The following CNNM1 variants were observed in gnomAD, a reference collection of about 807,000 sequenced individuals.
CNNM1 encodes cyclin and CBS domain divalent metal cation transport mediator 1.
CNNM1 carries 44 observed loss-of-function variants against 78.8 expected under a neutral mutation model. The ratio of observed to expected loss-of-function variants is 0.56; its 90% CI spans 0.44 to 0.72. CNNM1 has a LOEUF of 0.72. Among genes scored for constraint, CNNM1 ranks in the 30% least tolerant of loss-of-function variants. CNNM1 has a pLI of 0.00. For missense variants in CNNM1, 1,101 were observed against 1,292.2 expected (o/e 0.85, Z 2.27); for synonymous variants, 584 against 581.5 (o/e 1.00, Z -0.06).
intron 1 of CNNM1, among the ~76,000 whole-genome samples, chr10:99,345,462 A>G (rs867254694): frequency 2.0e-4 from 30 of 152,220 alleles, no homozygotes; most frequent in Middle Eastern, 3.4e-3. Context: ...GCTTGACCAC[A>G]CTCCCTGGCT....
In CNNM1 at chr10:99,362,404, G is replaced by A. The variant is rs1167994660; in HGVS notation, c.2028+8G>A. 1.2e-6 allele frequency: 2 copies of A among 1,605,746 alleles called. No homozygotes were observed. The highest frequency in any genetic ancestry group is 2.3e-5 in the East Asian group (1 of 44,076). On this transcript the variant is annotated splice_region_variant and intron_variant, in intron 4 of 10. Coordinates refer to ENST00000356713, the MANE Select transcript of CNNM1 (RefSeq NM_020348.3). ...TTTGTGCTGCTTCTACAGGTGAGTA[G>A]GAAAGTCAGGGAACCTCTGAGAGCC... is the stretch of plus-strand genomic sequence containing the variant.
At chr10:99,370,651 A>G (rs2031768261) in intron 6 of CNNM1, among the ~76,000 whole-genome samples, 1 of 152,204 alleles carries the variant, frequency 6.6e-6, no homozygotes, top group African/African-American at 2.4e-5. Flanking sequence ...GCTCTTATTC[A>G]GTGCTCGATC....
intron 9 of CNNM1, 55 bp from the exon 10 acceptor site, chr10:99,390,251 T>C (rs2071108681): frequency 7.8e-6 from 10 of 1,274,134 alleles, no homozygotes; most frequent in African/African-American, 1.5e-5. Flanking sequence ...CACCCTCTCT[T>C]GATGCCTGAG....
intron 6 of CNNM1, among the ~76,000 whole-genome samples, chr10:99,372,058 G>A (rs1220679523): frequency 1.3e-5 from 2 of 152,128 alleles, no homozygotes; most frequent in Admixed American, 1.3e-4. Context: ...TCCAGGATAG[G>A]GTTGTGAAGG....
Position 99,392,797 on chromosome 10 carries a change from C to T in CNNM1, c.*1281C>T, listed in dbSNP as rs11190079. On this transcript the variant is annotated 3_prime_UTR_variant, in exon 11 of 11. Transcript: ENST00000356713. The stretch of plus-strand genomic sequence containing the variant: ...CTTGAAGTCAGGAGTTTGAGACCAG[C>T]CTGGCCAACATGGTGAAACCCCATC... The T allele has an allele frequency of 0.13, 17,038 of 127,464 alleles. 1,108 individuals carry two copies. The highest frequency in any genetic ancestry group is 0.26 in the Admixed American group (3,272 of 12,598). 7.9% of individuals were successfully genotyped at this position (127,464 alleles called of 1,614,324 possible).
chr10:99,344,727 A>G (rs901710557), intron 1 of CNNM1, among the ~76,000 whole-genome samples: 1 of 152,206 alleles, frequency 6.6e-6, no homozygotes, highest in Non-Finnish European at 1.5e-5. Flanking sequence ...TAAACAAATA[A>G]CACAGCAATA....
In CNNM1 at chr10:99,360,813, T is replaced by C. The variant is rs750603614; in HGVS notation, c.1718-22T>C. 4 of 1,582,318 alleles carry C rather than the reference T, an allele frequency of 2.5e-6. No individual in the cohort carries two copies. In the East Asian group the frequency reaches 9.0e-5, roughly 36 times the overall value. On this transcript the variant is annotated intron_variant, in intron 2 of 10. Coordinates refer to ENST00000356713, the MANE Select transcript of CNNM1 (RefSeq NM_020348.3). ...CAACGTGATTCTGAGATAGCTGTAATCTGTCCTCTGTGACCCCACAGCTGA... is the reference window on the plus strand; with the variant it reads ...CAACGTGATTCTGAGATAGCTGTAACCTGTCCTCTGTGACCCCACAGCTGA...
intron 1 of CNNM1, among the ~76,000 whole-genome samples, chr10:99,337,700 T>C (rs1056596987): frequency 6.6e-6 from 1 of 152,240 alleles, no homozygotes; most frequent in African/African-American, 2.4e-5. Context: ...ATAATGAGCA[T>C]CTCCAGGGCA....
chr10:99,368,672 G>T (rs1375148224), intron 6 of CNNM1: 1 of 1,289,584 alleles, frequency 7.8e-7, no homozygotes, highest in South Asian at 1.2e-5. Flanking sequence ...TCTCTGGCAG[G>T]CTCCCCAGGT....
chr10:99,372,080 CAGG>C (rs1194101780), intron 6 of CNNM1, among the ~76,000 whole-genome samples: 7 of 152,256 alleles, frequency 4.6e-5, no homozygotes, highest in Admixed American at 4.6e-4. Flanking sequence ...TCCCTGGATA[CAGG>C]TGTCACAAAT....
chr10:99,368,947 T>C (rs554763813), intron 6 of CNNM1, among the ~76,000 whole-genome samples: 1 of 152,332 alleles, frequency 6.6e-6, no homozygotes, highest in South Asian at 2.1e-4. Flanking sequence ...GTGTGAGTTT[T>C]TCCTCATTTG....
intron 6 of CNNM1, among the ~76,000 whole-genome samples, chr10:99,376,410 A>C (rs2031963996): frequency 6.6e-6 from 1 of 152,210 alleles, no homozygotes; most frequent in Non-Finnish European, 1.5e-5. Context: ...ACTTAAAAAT[A>C]TTTATCCTTT....
intron 2 of CNNM1, 45 bp downstream of exon 2, chr10:99,357,700 C>G: frequency 6.6e-7 from 1 of 1,507,324 alleles, no homozygotes. Flanking sequence ...TCTTATTTTC[C>G]TCCAAGACTC....
chr10:99,386,082 CTT>C (rs1322064341), intron 7 of CNNM1, among the ~76,000 whole-genome samples: 1 of 152,142 alleles, frequency 6.6e-6, no homozygotes, highest in Non-Finnish European at 1.5e-5. Flanking sequence ...CGATTGAAGA[CTT>C]TGGATAAATG....
At chr10:99,368,720 A>T in intron 6 of CNNM1, 1 of 1,275,288 alleles carries the variant, frequency 7.8e-7, no homozygotes, top group Non-Finnish European at 1.0e-6. Flanking sequence ...GTAGATCCAG[A>T]GGGGTTTGCA....
intron 1 of CNNM1, among the ~76,000 whole-genome samples, chr10:99,339,939 A>G (rs373698112): frequency 2.6e-5 from 4 of 152,238 alleles, no homozygotes; most frequent in East Asian, 1.9e-4. Context: ...AAGAAAATAA[A>G]TTTTTTCATT....
intron 1 of CNNM1, among the ~76,000 whole-genome samples, chr10:99,336,895 G>A (rs1187340364): frequency 6.6e-6 from 1 of 152,106 alleles, no homozygotes; most frequent in Non-Finnish European, 1.5e-5. Context: ...AGTAAGCCAA[G>A]ATCATGCCAC....
At chr10:99,366,338 G>A (rs777504082) in intron 6 of CNNM1, among the ~76,000 whole-genome samples, 4 of 152,084 alleles carry the variant, frequency 2.6e-5, no homozygotes, top group Non-Finnish European at 5.9e-5. Context: ...TCACATTAGG[G>A]ACTACTCCTG....
rs1850554234 is a variant in CNNM1 at position 99,329,712 on chromosome 10, A to C, written c.325A>C (p.Ile109Leu). 6.5e-7 allele frequency: 1 copy of C among 1,536,860 alleles called. No individual in the cohort carries two copies. The highest frequency in any genetic ancestry group is 1.4e-5 in the African/African-American group (1 of 70,176). Residue 109 changes from isoleucine (I) to leucine (L), a missense_variant, in exon 1 of 11, where the codon ATC (isoleucine) becomes CTC (leucine). Ile to Leu is a conservative substitution (Grantham distance 5). Around this residue, in one of 3 missense-constraint regions of CNNM1, gnomAD observed 476 missense variants for 484.5 expected, o/e 0.98. Transcript: ENST00000356713. ...TGDWAPRLVFIEEPPGGGGVA... is the reference protein window; with the variant it reads ...TGDWAPRLVFLEEPPGGGGVA... ...CGACTGGGCTCCGCGGCTCGTGTTC[A>C]TCGAGGAGCCCCCGGGCGGTGGCGG...
Sources: allele counts gnomAD v4.1 joint callset (sites outside exome capture counted in the v4.1 genomes callset), GRCh38; gene constraint gnomAD v4.1.1; regional missense constraint gnomAD v4.1.1; transcripts MANE v1.5; gene names NCBI Gene and HGNC (gene_info 2026-07-23, HGNC 2026-07-21).